ZFAND1: variants seen among roughly 807,000 people sequenced by gnomAD.
ZFAND1 encodes the protein AN1-type zinc finger protein 1.
In ZFAND1, 40 loss-of-function variants were observed where a neutral mutation model predicts 38.5. The observed-to-expected ratio is 1.04, with a 90% CI of 0.81 to 1.35. The LOEUF (loss-of-function observed/expected upper bound fraction) is 1.35. Ranked by LOEUF, ZFAND1 falls within the 40% of genes most tolerant of loss-of-function variation. The pLI, the probability that ZFAND1 is intolerant of heterozygous loss-of-function variation, is 0.00. For missense variants in ZFAND1, 346 were observed against 316.3 expected, an observed-to-expected ratio of 1.09 and a Z score of -0.71; for synonymous variants, 117 against 103.6, an observed-to-expected ratio of 1.13 and a Z score of -0.78.
chr8:81,708,330 A>C (rs900817266), intron 6 of ZFAND1, among the ~76,000 whole-genome samples: 1 of 151,892 alleles, frequency 6.6e-6, no homozygotes, highest in Non-Finnish European at 1.5e-5. Context: ...AACAGGAATG[A>C]AAGAAAAGAC....
chr8:81,703,162 CA>C, intron 6 of ZFAND1, 38 bp from the exon 7 acceptor site: 1 of 1,394,510 alleles, frequency 7.2e-7, no homozygotes, highest in Non-Finnish European at 9.6e-7. Flanking sequence ...ATTACATAGA[CA>C]AAATAGACAT....
intron 6 of ZFAND1, among the ~76,000 whole-genome samples, chr8:81,709,681 C>T (rs1184316854): frequency 1.3e-5 from 2 of 151,946 alleles, no homozygotes; most frequent in Admixed American, 1.3e-4. Context: ...TCTAGTATAT[C>T]TATACTTACA....
chr8:81,704,538 C>CAAAA (rs58216047), intron 6 of ZFAND1, among the ~76,000 whole-genome samples: 3 of 105,330 alleles, frequency 2.8e-5, no homozygotes, highest in African/African-American at 1.1e-4. Flanking sequence ...GACCCTATTT[C>CAAAA]AAAAAAAAAA....
At chr8:81,719,352 C>CACACACACACAA (rs1304225834) in intron 1 of ZFAND1, among the ~76,000 whole-genome samples, 18 of 149,760 alleles carry the variant, frequency 1.2e-4, no homozygotes, top group Non-Finnish European at 2.7e-4. Context: ...CACACACACA[C>CACACACACACAA]ACAAATTAGC....
chr8:81,708,920 G>C, intron 6 of ZFAND1: 1 of 404,712 alleles, frequency 2.5e-6, no homozygotes, highest in Non-Finnish European at 3.8e-6. Context: ...ACTTAGTATA[G>C]GCAATCCGTC....
chr8:81,715,595 T>C (rs950340037), intron 3 of ZFAND1, among the ~76,000 whole-genome samples: 5 of 152,046 alleles, frequency 3.3e-5, no homozygotes, highest in African/African-American at 4.8e-5. Flanking sequence ...ATGCCCTATT[T>C]CATATTTTTA....
intron 6 of ZFAND1, among the ~76,000 whole-genome samples, chr8:81,705,866 C>T (rs1442809932): frequency 6.6e-6 from 1 of 152,122 alleles, no homozygotes; most frequent in Admixed American, 6.5e-5. Context: ...TGTAGTGAGC[C>T]GAGACTGTGC....
At chr8:81,710,312 C>G (rs1245939191) in intron 6 of ZFAND1, among the ~76,000 whole-genome samples, 2 of 152,084 alleles carry the variant, frequency 1.3e-5, no homozygotes, top group African/African-American at 2.4e-5. Flanking sequence ...GATAGTTATA[C>G]TTGTTAAAAG....
intron 6 of ZFAND1, among the ~76,000 whole-genome samples, chr8:81,710,203 G>A (rs1194362771): frequency 6.6e-6 from 1 of 152,192 alleles, no homozygotes; most frequent in African/African-American, 2.4e-5. Context: ...TGTCCCCTTA[G>A]GGAGCAAAAC....
chr8:81,719,299 T>C (rs755456113), intron 1 of ZFAND1, among the ~76,000 whole-genome samples: 67 of 110,624 alleles, frequency 6.1e-4, no homozygotes, highest in Middle Eastern at 4.6e-3. Context: ...CGAAACCCCA[T>C]CTCTACTGAA....
chr8:81,718,578 A>G (rs1808381137), intron 1 of ZFAND1, among the ~76,000 whole-genome samples: 1 of 151,602 alleles, frequency 6.6e-6, no homozygotes, highest in Non-Finnish European at 1.5e-5. Context: ...CTGGGATTCA[A>G]TTCTGATTCC....
chr8:81,713,839 A>G (rs1585926762), intron 6 of ZFAND1, 79 bp downstream of exon 6: 1 of 1,416,534 alleles, frequency 7.1e-7, no homozygotes, highest in African/African-American at 1.4e-5. Context: ...TTAGTTGTTA[A>G]TTGATGGGAA....
chr8:81,712,833 T>C (rs1369693670), intron 6 of ZFAND1, among the ~76,000 whole-genome samples: 1 of 152,112 alleles, frequency 6.6e-6, no homozygotes, highest in Non-Finnish European at 1.5e-5. Flanking sequence ...AATCATAATT[T>C]CACCGAACAG....
chr8:81,705,461 C>T (rs1807949210), intron 6 of ZFAND1, among the ~76,000 whole-genome samples: 1 of 152,048 alleles, frequency 6.6e-6, no homozygotes, highest in Non-Finnish European at 1.5e-5. Flanking sequence ...ACATAAAAGA[C>T]ATGAAGATCC....
At chr8:81,721,127 G>A (rs1330643206) in intron 1 of ZFAND1, 100 bp downstream of exon 1, 19 of 1,435,374 alleles carry the variant, frequency 1.3e-5, no homozygotes, top group Admixed American at 2.0e-5. Context: ...GCCCTGCCCA[G>A]CCTTGTGGCC....
intron 1 of ZFAND1, among the ~76,000 whole-genome samples, chr8:81,720,180 G>A (rs1022741034): frequency 4.6e-5 from 7 of 152,182 alleles, no homozygotes; most frequent in Non-Finnish European, 1.0e-4. Flanking sequence ...TATGTAGTGT[G>A]TGAAACCTAG....
chr8:81,703,023 G>A lies in ZFAND1; in HGVS notation c.582C>T (p.Asp194=), dbSNP rs145427652. ...TAAGCCTGGCTAGAGAAGCGGCAAA[G>A]TCTATGGCCTTTCCAATGCTCCATC... ...CHRWSIGKAI[D]FAASLARLKN... Residue 194 remains aspartate, a synonymous_variant, in exon 7 of 8, where the codon GAC becomes GAT. Coordinates refer to ENST00000220669, the MANE Select transcript of ZFAND1 (RefSeq NM_024699.3). The A allele has an allele frequency of 8.2e-4, 1,302 of 1,582,668 alleles. 2 individuals carry two copies. Among genetic ancestry groups the A allele is most frequent in the Admixed American group, 7.8e-4 (45 of 58,058 alleles).
intron 6 of ZFAND1, among the ~76,000 whole-genome samples, chr8:81,708,372 CTA>C (rs1235314652): frequency 6.6e-6 from 1 of 151,314 alleles, no homozygotes; most frequent in Non-Finnish European, 1.5e-5. Context: ...TAAAATATTG[CTA>C]TGTCAATTAG....
chr8:81,704,379 G>A (rs58808724), intron 6 of ZFAND1, among the ~76,000 whole-genome samples: 4,381 of 151,830 alleles, frequency 0.029, 96 homozygotes, highest in East Asian at 0.12. Flanking sequence ...TCTACAAAAA[G>A]CACAAAAAAT....
Sources: gnomAD v4.1 joint callset for allele counts (sites outside exome capture counted in the v4.1 genomes callset) on GRCh38, gnomAD v4.1.1 for gene constraint, MANE v1.5 for transcripts, NCBI Gene and HGNC (gene_info 2026-07-23, HGNC 2026-07-21) for gene names.